Variants in SON observed in about 807,000 individuals in gnomAD.
SON encodes the protein protein SON.
SON carries 4 observed loss-of-function variants against 173.3 expected under a neutral mutation model. The observed-to-expected ratio is 0.02, with a 90% confidence interval of 0.01 to 0.05. SON has a LOEUF of 0.05. SON is among the 10% of genes least tolerant of loss of function. The pLI, the probability that SON is intolerant of heterozygous loss-of-function variation, is 1.00. For missense variants in SON, 2,626 were observed against 3,055.3 expected (o/e 0.86, Z 3.31); for synonymous variants, 1,190 against 1,105.9 (o/e 1.08, Z -1.51).
Position 33,553,403 on chromosome 21 carries a change from T to C in SON, c.4172T>C (p.Val1391Ala). ...VTVLEPSVVT[V>A]PEPPVVAEPD... Reference sequence around the variant, plus strand: ...GTCCTGGAGCCTTCGGTTGTGACTGTCCCGGAGCCTCCTGTTGTGGCTGAG... The same window carrying C: ...GTCCTGGAGCCTTCGGTTGTGACTGCCCCGGAGCCTCCTGTTGTGGCTGAG... The change falls in exon 3 of 12, where the codon GTC becomes GCC. Residue 1391 changes from valine (V) to alanine (A), a missense_variant. Val to Ala is a moderately conservative substitution (Grantham distance 64, BLOSUM62 0). This residue lies in a region of SON where 1,006 missense variants were observed against 895.6 expected (regional missense o/e 1.12). Coordinates refer to ENST00000356577, the MANE Select transcript of SON (RefSeq NM_138927.4). 1 of 1,613,784 alleles carries C rather than the reference T, an allele frequency of 6.2e-7. No homozygotes were observed. The highest frequency in any genetic ancestry group is 2.2e-5 in the East Asian group (1 of 44,886).
Position 33,554,596 on chromosome 21 carries a change from G to T in SON, c.5365G>T (p.Asp1789Tyr), listed in dbSNP as rs1203563501. The change falls in exon 3 of 12, where the codon GAT (aspartate) becomes TAT (tyrosine). Residue 1789 changes from aspartate to tyrosine, a missense_variant. This residue lies in a region of SON where 1,006 missense variants were observed against 895.6 expected (regional missense o/e 1.12). Transcript: ENST00000356577. ...ASESSSEEKD[D>Y]YEIFVKVKDT... ...AGAGTCTTCTTCAGAGGAAAAAGAT[G>T]ATTATGAAATTTTTGTAAAAGTTAA... 2 of 1,613,844 alleles carry T rather than the reference G, an allele frequency of 1.2e-6. No individual in the cohort carries two copies. The highest frequency in any genetic ancestry group is 3.3e-5 in the Admixed American group (2 of 60,000).
In SON at chr21:33,550,778, C is replaced by T. The variant is rs754561881; in HGVS notation, c.1547C>T (p.Pro516Leu). The T allele has an allele frequency of 6.2e-7, 1 of 1,614,192 alleles. No homozygotes were observed. Among genetic ancestry groups the T allele is most frequent in the Non-Finnish European group, 8.5e-7 (1 of 1,180,022 alleles). Residue 516 changes from proline to leucine, a missense_variant, in exon 3 of 12, where the codon CCT becomes CTT. Around this residue, in one of 13 missense-constraint regions of SON, gnomAD observed 757 missense variants for 730.1 expected, o/e 1.04. Coordinates refer to ENST00000356577, the MANE Select transcript of SON (RefSeq NM_138927.4). ...GTGACGACGACAGAGTTGGAGCAGC[C>T]TGTGGGGATGACAACGGTGGAACAT... ...QPVTTTELEQ[P>L]VGMTTVEHPG...
In SON at chr21:33,543,081, G is replaced by C. The variant is rs577636230; in HGVS notation, c.-12G>C. 5.0e-6 allele frequency: 8 copies of C among 1,613,898 alleles called. No homozygotes were observed. The highest frequency in any genetic ancestry group is 2.2e-5 in the East Asian group (1 of 44,888). On this transcript the variant is annotated 5_prime_UTR_variant, in exon 1 of 12. Transcript: ENST00000356577. ...ACTAGCGAGGAGGAGTTGAGAGAAC[G>C]GAGCGGACGCCATGGCGACCAACAT...
At chr21:33,548,951 A>G (rs1387383714) in intron 2 of SON, among the ~76,000 whole-genome samples, 1 of 152,204 alleles carries the variant, frequency 6.6e-6, no homozygotes, top group East Asian at 1.9e-4. Context: ...GGTGTTTAAT[A>G]ATTTATTTTT....
At chr21:33,568,891 C>A in intron 7 of SON, 80 bp from the exon 8 acceptor site, 1 of 767,000 alleles carries the variant, frequency 1.3e-6, no homozygotes, top group Non-Finnish European at 2.2e-6. Flanking sequence ...TGCTTTTCAG[C>A]CATTTTTAGT....
At position 33,554,545 on chromosome 21, in the gene SON, G is replaced by A. The variant is rs529525396; in HGVS notation, c.5314G>A (p.Val1772Ile). The A allele has an allele frequency of 1.2e-6, 2 of 1,613,844 alleles. No individual in the cohort carries two copies. The highest frequency in any genetic ancestry group is 1.7e-5 in the Admixed American group (1 of 60,014). The change falls in exon 3 of 12, where the codon GTA becomes ATA. Residue 1772 changes from valine (V) to isoleucine (I), a missense_variant. Physicochemically the swap from Val to Ile is conservative, Grantham distance 29 (BLOSUM62 3). Transcript: ENST00000356577. Reference protein sequence around the residue: ...GRDRSAASPVVSSMPERASES... With the variant: ...GRDRSAASPVISSMPERASES... ...TGACAGATCTGCTGCCAGCCCGGTT[G>A]TAAGTAGTATGCCAGAAAGAGCTTC...
chr21:33,575,544 T>TA (rs1424955112), intron 9 of SON, 52 bp from the exon 10 acceptor site: 4 of 1,394,354 alleles, frequency 2.9e-6, no homozygotes, highest in Non-Finnish European at 4.0e-6. Context: ...GAGGGATCTT[T>TA]GTTTTAAAGT....
chr21:33,543,537 C>T (rs992364656), intron 1 of SON: 4 of 123,610 alleles, frequency 3.2e-5, no homozygotes, highest in South Asian at 4.9e-5. Context: ...GTATCCCCTC[C>T]CCCTCTCGCC....
At chr21:33,564,443 C>T (rs1234833147) in intron 6 of SON, among the ~76,000 whole-genome samples, 1 of 152,112 alleles carries the variant, frequency 6.6e-6, no homozygotes, top group East Asian at 1.9e-4. Context: ...TTTTATGCCT[C>T]ATTGTATAAC....
intron 8 of SON, chr21:33,572,331 A>G (rs898602339): frequency 1.7e-5 from 4 of 237,880 alleles, no homozygotes; most frequent in Admixed American, 9.8e-5. Context: ...ACTGTTTGCT[A>G]TATGTACATG....
At position 33,559,387 on chromosome 21, in the gene SON, G is replaced by C; in HGVS notation, c.6468+11G>C. On this transcript the variant is annotated intron_variant, in intron 5 of 11. Transcript: ENST00000356577. This position sits in a 1 kb window ranked among gnomAD's most constrained non-coding sequence, Gnocchi z 4.1. ...TTTTTCAATCTGAATGTGAGTATTA[G>C]TGCTTATGGATTGGTAAAACAGTGT... 1 of 1,597,576 alleles carries C rather than the reference G, an allele frequency of 6.3e-7. No homozygotes were observed. The highest frequency in any genetic ancestry group is 8.5e-7 in the Non-Finnish European group (1 of 1,174,356).
chr21:33,544,742 G>A (rs2085574268), intron 1 of SON, among the ~76,000 whole-genome samples: 3 of 152,102 alleles, frequency 2.0e-5, no homozygotes, highest in Admixed American at 6.6e-5. Context: ...CAGTAAATGC[G>A]GTTAACGATT....
chr21:33,572,175 A>G (rs2086298871), intron 8 of SON: 1 of 80,900 alleles, frequency 1.2e-5, no homozygotes, highest in African/African-American at 4.4e-5. Flanking sequence ...TTGCTATATT[A>G]TATATTTATA....
rs7283126 is a variant in SON at position 33,543,817 on chromosome 21, C to G, written c.77+648C>G. Among the ~76,000 whole-genome samples, 426 of 152,256 alleles carry G rather than the reference C, an allele frequency of 2.8e-3. 2 individuals are homozygous for G. The highest frequency in any genetic ancestry group is 9.7e-3 in the African/African-American group (402 of 41,542). Reference sequence around the variant, plus strand: ...ATGGAAGGGGACTTTGAAATGGTTGCGATTAATTACAGCAAGTGAAAGTGG... The same window carrying G: ...ATGGAAGGGGACTTTGAAATGGTTGGGATTAATTACAGCAAGTGAAAGTGG... On this transcript the variant is annotated intron_variant, in intron 1 of 11. Transcript: ENST00000356577.
rs1601264075 is a variant in SON at position 33,552,530 on chromosome 21, A to G, written c.3299A>G (p.Asp1100Gly). ...ATGATGTCGTCATACTCTGCTGCTG[A>G]CCGGTCTATGATGTCATCGTACTCT... ...RSMMSSYSAA[D>G]RSMMSSYSAA... Residue 1100 changes from aspartate (D) to glycine (G), a missense_variant, in exon 3 of 12, where the codon GAC becomes GGC. Asp to Gly is a moderately conservative substitution (Grantham distance 94). This residue lies in a region of SON where 366 missense variants were observed against 448.6 expected (regional missense o/e 0.82). Coordinates refer to ENST00000356577, the MANE Select transcript of SON (RefSeq NM_138927.4). This position sits in a 1 kb window ranked among gnomAD's most constrained non-coding sequence, Gnocchi z 5.6. 6.2e-7 allele frequency: 1 copy of G among 1,613,912 alleles called. No homozygotes were observed. The highest frequency in any genetic ancestry group is 8.5e-7 in the Non-Finnish European group (1 of 1,179,968).
In SON at chr21:33,554,498, T is replaced by C. The variant is rs775638663; in HGVS notation, c.5267T>C (p.Leu1756Ser). ...TSLRAGIEGP[L>S]LASDVGRDRS... is the part of the protein sequence containing the mutation. ...CTTAGAGCTGGCATTGAAGGACCTTTACTTGCAAGTGATGTTGGACGTGAC... is the reference window on the plus strand; with the variant it reads ...CTTAGAGCTGGCATTGAAGGACCTTCACTTGCAAGTGATGTTGGACGTGAC... Residue 1756 changes from leucine (L) to serine (S), a missense_variant, in exon 3 of 12, where the codon TTA (leucine) becomes TCA (serine). Physicochemically the swap from Leu to Ser is moderately radical, Grantham distance 145. Around this residue, in one of 13 missense-constraint regions of SON, gnomAD observed 1,006 missense variants for 895.6 expected, o/e 1.12. Transcript: ENST00000356577. The C allele has an allele frequency of 3.1e-6, 5 of 1,614,154 alleles. No individual in the cohort carries two copies. The highest frequency in any genetic ancestry group is 2.2e-5 in the South Asian group (2 of 91,076).
chr21:33,573,491 T>C (rs753952064), intron 9 of SON, 36 bp downstream of exon 9: 2 of 1,570,406 alleles, frequency 1.3e-6, no homozygotes, highest in South Asian at 2.3e-5. Flanking sequence ...TATTAACGTC[T>C]CCTTTAACAT....
rs2086413035 is a variant in SON, at chr21:33,576,894, C to T, written c.*470C>T. Reference sequence around the variant, plus strand: ...TATTTTGTACTATGATGTAACTCCCCTTCCTTATGGCTAGGCTACTGTAAC... The same window carrying T: ...TATTTTGTACTATGATGTAACTCCCTTTCCTTATGGCTAGGCTACTGTAAC... On this transcript the variant is annotated 3_prime_UTR_variant, in exon 12 of 12. Transcript: ENST00000356577. The T allele has an allele frequency of 3.8e-6, 1 of 264,084 alleles. No individual in the cohort carries two copies. The highest frequency in any genetic ancestry group is 7.7e-6 in the Non-Finnish European group (1 of 130,684). 16.4% of individuals were successfully genotyped at this position (264,084 alleles called of 1,614,324 possible).
chr21:33,550,925 C>T lies in SON; in HGVS notation c.1694C>T (p.Ser565Leu), dbSNP rs550057704. The change falls in exon 3 of 12, where the codon TCG becomes TTG. Residue 565 changes from serine to leucine, a missense_variant. By Grantham distance (145) the Ser-to-Leu change is moderately radical (BLOSUM62 -2). Coordinates refer to ENST00000356577, the MANE Select transcript of SON (RefSeq NM_138927.4). ...TTALELPGQP[S>L]VTGVPELPGL... ...GCGCTGGAGTTGCCGGGGCAGCCTT[C>T]GGTGACTGGGGTGCCAGAGTTGCCA... 2.3e-5 allele frequency: 37 copies of T among 1,607,214 alleles called. No homozygotes were observed. The Admixed American group carries it at 2.5e-4, about 11-fold the overall frequency.
Sources: allele counts gnomAD v4.1 joint callset (sites outside exome capture counted in the v4.1 genomes callset), GRCh38; gene constraint gnomAD v4.1.1; regional missense constraint gnomAD v4.1.1; non-coding constraint Gnocchi (gnomAD v3.1); transcripts MANE v1.5; gene names NCBI Gene and HGNC (gene_info 2026-07-23, HGNC 2026-07-21).